Variants in KCNIP4 observed in about 807,000 individuals in gnomAD.
The protein encoded by KCNIP4 is potassium voltage-gated channel interacting protein 4.
Under a neutral mutation model 34.0 loss-of-function variants are expected in KCNIP4, and 12 were observed. That is an observed-to-expected ratio of 0.35 (90% confidence interval 0.23 to 0.57). The LOEUF (loss-of-function observed/expected upper bound fraction) is 0.57. Among genes scored for constraint, KCNIP4 ranks in the 20% least tolerant of loss-of-function variants. The pLI is 0.83. For synonymous variants in KCNIP4, 124 were observed against 102.2 expected, an observed-to-expected ratio of 1.21 and a Z score of -1.29; for missense variants, 238 against 311.7, an observed-to-expected ratio of 0.76 and a Z score of 1.78.
At chr4:20,977,973 C>T (rs1735652357) in intron 1 of KCNIP4, among the ~76,000 whole-genome samples, 1 of 152,158 alleles carries the variant, frequency 6.6e-6, no homozygotes, top group South Asian at 2.1e-4. Flanking sequence ...TTCTTGAAGG[C>T]AGTAAAACAC....
At chr4:21,504,475 A>AAAAAAAAAAAAAAAAAAAAAAAAAAG (rs1264431211) in intron 1 of KCNIP4, among the ~76,000 whole-genome samples, 1 of 101,848 alleles carries the variant, frequency 9.8e-6, no homozygotes, top group Non-Finnish European at 2.0e-5. Flanking sequence ...CAAAAAAAAA[A>AAAAAAAAAAAAAAAAAAAAAAAAAAG]AAAGAAAGAA....
At chr4:21,660,605 C>G (rs1748371823) in intron 1 of KCNIP4, among the ~76,000 whole-genome samples, 1 of 152,056 alleles carries the variant, frequency 6.6e-6, no homozygotes, top group African/African-American at 2.4e-5. Context: ...CTTCTGGCAT[C>G]TGAGAAAAAA....
At chr4:21,942,945 GA>G (rs145026487) in intron 1 of KCNIP4, among the ~76,000 whole-genome samples, 19,017 of 152,020 alleles carry the variant, frequency 0.13, 3,332 homozygotes, top group African/African-American at 0.39. Context: ...TTCTAGTAGA[GA>G]ACGGGTTTCA....
At chr4:20,855,019 G>A (rs577609386) in intron 2 of KCNIP4, among the ~76,000 whole-genome samples, 9 of 152,268 alleles carry the variant, frequency 5.9e-5, no homozygotes, top group Non-Finnish European at 7.4e-5. Context: ...ATAGGTTTGC[G>A]AAGACCTGTA....
Position 21,172,913 on chromosome 4 carries a change from A to G in KCNIP4, c.62-290204T>C, listed in dbSNP as rs556702245. On this transcript the variant is annotated intron_variant, in intron 1 of 8. Transcript: ENST00000382152. ...GAATTTCTAAGTGAGCTGGAGCATC[A>G]TACTCAGATGATTCTTGGTCAAGTT... Among the ~76,000 whole-genome samples, 11 of 152,324 alleles carry G rather than the reference A, an allele frequency of 7.2e-5. No homozygotes were observed. The South Asian group carries it at 2.1e-3, about 29-fold the overall frequency.
intron 1 of KCNIP4, among the ~76,000 whole-genome samples, chr4:21,661,946 C>T (rs943464186): frequency 1.3e-5 from 2 of 152,112 alleles, no homozygotes; most frequent in African/African-American, 2.4e-5. Context: ...GCAGTTTTCT[C>T]GCTGTAAGAG....
Position 21,360,931 on chromosome 4 carries a change from A to G in KCNIP4, c.62-478222T>C, listed in dbSNP as rs561313737. ...AGTTTCAAGTCCACAAATCCATTTA[A>G]TTTTGCTTTAAATCAGCATCCGCTG... On this transcript the variant is annotated intron_variant, in intron 1 of 8. Coordinates refer to ENST00000382152, the MANE Select transcript of KCNIP4 (RefSeq NM_025221.6). Among the ~76,000 whole-genome samples, 12 of 152,170 alleles carry G rather than the reference A, an allele frequency of 7.9e-5. 1 individual carries two copies. Among genetic ancestry groups the G allele is most frequent in the African/African-American group, 2.9e-4 (12 of 41,534 alleles).
chr4:21,857,935 G>C (rs1724856290), intron 1 of KCNIP4, among the ~76,000 whole-genome samples: 1 of 152,190 alleles, frequency 6.6e-6, no homozygotes, highest in Admixed American at 6.5e-5. Context: ...CCAAGCTTCT[G>C]AATGCCACCA....
At chr4:21,417,824 G>C (rs1725101485) in intron 1 of KCNIP4, among the ~76,000 whole-genome samples, 1 of 152,164 alleles carries the variant, frequency 6.6e-6, no homozygotes, top group Non-Finnish European at 1.5e-5. Flanking sequence ...TGGGACATCA[G>C]CTAGGGTAGG....
intron 1 of KCNIP4, among the ~76,000 whole-genome samples, chr4:21,445,323 G>A (rs191861248): frequency 3.0e-4 from 46 of 152,158 alleles, no homozygotes; most frequent in African/African-American, 8.4e-4. Flanking sequence ...CAAGTTAATC[G>A]TAAGCCAAAA....
chr4:21,505,302 G>A (rs1279981681), intron 1 of KCNIP4, among the ~76,000 whole-genome samples: 1 of 151,018 alleles, frequency 6.6e-6, no homozygotes, highest in Non-Finnish European at 1.5e-5. Flanking sequence ...GCCAAACTCA[G>A]AACTTATCAG....
At chr4:21,198,957 G>C (rs1165876935) in intron 1 of KCNIP4, among the ~76,000 whole-genome samples, 1 of 152,162 alleles carries the variant, frequency 6.6e-6, no homozygotes, top group Admixed American at 6.5e-5. Flanking sequence ...TTCTCTGTGT[G>C]AGGAGTAAAG....
At chr4:21,856,240 A>G (rs1384176459) in intron 1 of KCNIP4, among the ~76,000 whole-genome samples, 5 of 152,202 alleles carry the variant, frequency 3.3e-5, no homozygotes, top group Non-Finnish European at 7.3e-5. Context: ...TCTATATCTT[A>G]TTAGATGTAG....
At chr4:21,056,704 C>T (rs1192365185) in intron 1 of KCNIP4, among the ~76,000 whole-genome samples, 1 of 152,114 alleles carries the variant, frequency 6.6e-6, no homozygotes, top group Non-Finnish European at 1.5e-5. Context: ...CTATTATAAA[C>T]CTTTGTGACC....
chr4:21,216,590 G>T lies in KCNIP4; in HGVS notation c.62-333881C>A, dbSNP rs1005974116. ...TCAGAGATTAGAAAATTGATAATCAGAATAGTTAGGTAACTTGTTCAATGT... is the reference window on the plus strand; with the variant it reads ...TCAGAGATTAGAAAATTGATAATCATAATAGTTAGGTAACTTGTTCAATGT... On this transcript the variant is annotated intron_variant, in intron 1 of 8. Transcript: ENST00000382152. Among the ~76,000 whole-genome samples the T allele has an allele frequency of 2.0e-5, 3 of 152,262 alleles. No homozygotes were observed. In the South Asian group the frequency reaches 6.2e-4, roughly 32 times the overall value.
Position 21,238,076 on chromosome 4 carries a change from T to C in KCNIP4, c.62-355367A>G, listed in dbSNP as rs542588724. Among the ~76,000 whole-genome samples the C allele has an allele frequency of 5.4e-3, 816 of 152,168 alleles. 8 individuals are homozygous for C. The highest frequency in any genetic ancestry group is 0.019 in the African/African-American group (788 of 41,496). On this transcript the variant is annotated intron_variant, in intron 1 of 8. Transcript: ENST00000382152. ...CCTGGGATGCAAGGCTGGTTCAACA[T>C]ACGCAAATCAATAAATGTAATCCAG... is the stretch of plus-strand genomic sequence containing the variant.
intron 1 of KCNIP4, among the ~76,000 whole-genome samples, chr4:21,196,614 G>A (rs1389653384): frequency 6.6e-6 from 1 of 152,124 alleles, no homozygotes; most frequent in Non-Finnish European, 1.5e-5. Flanking sequence ...CTGACACTTG[G>A]TTTGCTGTTC....
chr4:21,865,679 A>G (rs865995947), intron 1 of KCNIP4, among the ~76,000 whole-genome samples: 7 of 151,738 alleles, frequency 4.6e-5, no homozygotes, highest in South Asian at 2.1e-4. Context: ...AGTCGCTGGG[A>G]TTACAGGCAT....
chr4:21,593,696 C>T (rs1742401342), intron 1 of KCNIP4, among the ~76,000 whole-genome samples: 1 of 152,112 alleles, frequency 6.6e-6, no homozygotes, highest in Non-Finnish European at 1.5e-5. Flanking sequence ...TTTAAGAGGA[C>T]ATTTTCTTGA....
Sources: gnomAD v4.1 joint callset for allele counts (sites outside exome capture counted in the v4.1 genomes callset) on GRCh38, gnomAD v4.1.1 for gene constraint, MANE v1.5 for transcripts, NCBI Gene and HGNC (gene_info 2026-07-23, HGNC 2026-07-21) for gene names.